OSBPL11: variants seen among roughly 807,000 people sequenced by gnomAD.
OSBPL11 encodes oxysterol-binding protein-related protein 11.
OSBPL11 carries 33 observed loss-of-function variants against 84.4 expected under a neutral mutation model. The observed-to-expected ratio is 0.39, with a 90% CI of 0.30 to 0.52. The LOEUF (loss-of-function observed/expected upper bound fraction) is 0.52. Ranked by LOEUF, OSBPL11 falls within the 20% of genes least tolerant of loss-of-function variation. The pLI is 0.72. For synonymous variants in OSBPL11, 276 were observed against 310.2 expected (o/e 0.89, Z 1.16); for missense variants, 736 against 901.1 (o/e 0.82, Z 2.35).
chr3:125,571,056 G>T (rs898713521), intron 5 of OSBPL11, among the ~76,000 whole-genome samples: 2 of 152,098 alleles, frequency 1.3e-5, no homozygotes, highest in Non-Finnish European at 1.5e-5. Context: ...CCCAAAATGC[G>T]GACAGCAATA....
intron 5 of OSBPL11, among the ~76,000 whole-genome samples, chr3:125,575,356 T>C (rs898879557): frequency 6.6e-6 from 1 of 152,076 alleles, no homozygotes; most frequent in East Asian, 1.9e-4. Flanking sequence ...CATTTCTATA[T>C]ATACATATAT....
chr3:125,576,279 G>A lies in OSBPL11; in HGVS notation c.576C>T (p.Ala192=). ...PISQRRPSQN[A]ISFFNVGHSK... ...AATGTCCAACATTAAAAAAAGAAAT[G>A]GCATTTTGACTTGGTCTCCTCTGCG... Residue 192 remains alanine (A), a synonymous_variant, in exon 5 of 13, where the codon GCC becomes GCT. Coordinates refer to ENST00000296220, the MANE Select transcript of OSBPL11 (RefSeq NM_022776.5). 6.2e-7 allele frequency: 1 copy of A among 1,610,294 alleles called. No individual in the cohort carries two copies. The highest frequency in any genetic ancestry group is 8.5e-7 in the Non-Finnish European group (1 of 1,178,826).
Position 125,594,931 on chromosome 3 carries a change from G to A in OSBPL11, c.-131C>T, listed in dbSNP as rs1936658253. ...GCTAAATCACACGGCGGCTGGGGCGGGACTGTCAAATGGTCCAGAAAAGGA... is the reference window on the plus strand; with the variant it reads ...GCTAAATCACACGGCGGCTGGGGCGAGACTGTCAAATGGTCCAGAAAAGGA... On this transcript the variant is annotated 5_prime_UTR_variant, in exon 1 of 13. Coordinates refer to ENST00000296220, the MANE Select transcript of OSBPL11 (RefSeq NM_022776.5). The A allele has an allele frequency of 1.0e-6, 1 of 1,003,432 alleles. No homozygotes were observed. Among genetic ancestry groups the A allele is most frequent in the Admixed American group, 2.8e-5 (1 of 35,470 alleles). 62.2% of individuals were successfully genotyped at this position (1,003,432 alleles called of 1,614,324 possible). A position where few individuals can be genotyped will look rare whatever the true frequency, so the allele number is the denominator to read the frequency against.
intron 10 of OSBPL11, among the ~76,000 whole-genome samples, chr3:125,540,792 C>T (rs58388246): frequency 6.6e-6 from 1 of 152,064 alleles, no homozygotes; most frequent in Non-Finnish European, 1.5e-5. Flanking sequence ...TTACAGGGTC[C>T]GTATTGTTTA....
chr3:125,543,672 G>C (rs563058228), intron 10 of OSBPL11, among the ~76,000 whole-genome samples: 1 of 152,058 alleles, frequency 6.6e-6, no homozygotes, highest in Non-Finnish European at 1.5e-5. Flanking sequence ...AGGCCAAGGT[G>C]GGCAGATCAC....
intron 5 of OSBPL11, among the ~76,000 whole-genome samples, chr3:125,574,512 A>G (rs1414570807): frequency 7.0e-6 from 1 of 142,486 alleles, no homozygotes; most frequent in Non-Finnish European, 1.5e-5. Context: ...GTGGACTACT[A>G]TTCAGATGTG....
At chr3:125,575,992 T>C (rs1177165691) in intron 5 of OSBPL11, among the ~76,000 whole-genome samples, 197 bp downstream of exon 5, 5 of 150,228 alleles carry the variant, frequency 3.3e-5, no homozygotes, top group Non-Finnish European at 3.0e-5. Flanking sequence ...ACCATGTACC[T>C]AGTACGTGAC....
intron 11 of OSBPL11, among the ~76,000 whole-genome samples, chr3:125,535,665 G>A (rs1935631292): frequency 6.6e-6 from 1 of 150,646 alleles, no homozygotes; most frequent in Non-Finnish European, 1.5e-5. Context: ...AGTAGAGATG[G>A]GGTTTCACCA....
chr3:125,530,538 GA>G lies in OSBPL11; in HGVS notation c.2220del (p.Pro741GlnfsTer44). On this transcript the variant is annotated frameshift_variant, in exon 13 of 13. Coordinates refer to ENST00000296220, the MANE Select transcript of OSBPL11 (RefSeq NM_022776.5). LOFTEE classifies it high-confidence loss of function. ...WVYHKPLWKI[I>X]PTTQPAE is the part of the protein sequence containing the mutation. ...TGTCACTCTGCTGGTTGTGTTGTTG[GA>G]ATTATTTTCCAAAGTGGTTTATGAT... is the stretch of plus-strand genomic sequence containing the variant. 1 of 1,613,868 alleles carries G rather than the reference GA, an allele frequency of 6.2e-7. No homozygotes were observed. The highest frequency in any genetic ancestry group is 8.5e-7 in the Non-Finnish European group (1 of 1,179,862).
chr3:125,566,305 C>A (rs1288790582), intron 6 of OSBPL11, among the ~76,000 whole-genome samples: 1 of 151,958 alleles, frequency 6.6e-6, no homozygotes, highest in African/African-American at 2.4e-5. Context: ...CGTGCCTGGC[C>A]CCTACACATT....
intron 6 of OSBPL11, among the ~76,000 whole-genome samples, chr3:125,566,797 T>A (rs868456279): frequency 1.6e-4 from 24 of 147,876 alleles, no homozygotes; most frequent in Middle Eastern, 3.5e-3. Context: ...TATATATATT[T>A]TTTTTTTAAT....
intron 1 of OSBPL11, 79 bp from the exon 2 acceptor site, chr3:125,583,057 G>A: frequency 1.0e-6 from 1 of 972,216 alleles, no homozygotes; most frequent in East Asian, 2.6e-5. Context: ...TTTCAAAATA[G>A]CTGCAGATAC....
intron 7 of OSBPL11, among the ~76,000 whole-genome samples, chr3:125,561,731 G>A (rs191073188): frequency 2.0e-5 from 3 of 152,326 alleles, no homozygotes; most frequent in African/African-American, 7.2e-5. Flanking sequence ...CTATGGAGCA[G>A]TGCTCCTGGA....
At chr3:125,550,243 C>T (rs1363916555) in intron 9 of OSBPL11, among the ~76,000 whole-genome samples, 2 of 151,828 alleles carry the variant, frequency 1.3e-5, no homozygotes, top group Non-Finnish European at 2.9e-5. Flanking sequence ...GGCATGGTGG[C>T]GCACGCCTGT....
chr3:125,558,748 C>T (rs1489484855), intron 8 of OSBPL11, among the ~76,000 whole-genome samples: 1 of 152,178 alleles, frequency 6.6e-6, no homozygotes, highest in Non-Finnish European at 1.5e-5. Flanking sequence ...AATTAAGGCA[C>T]ACTAGTTAAA....
intron 10 of OSBPL11, among the ~76,000 whole-genome samples, chr3:125,542,084 G>A (rs1183781379): frequency 6.6e-6 from 1 of 152,146 alleles, no homozygotes; most frequent in East Asian, 1.9e-4. Flanking sequence ...AGGACAAAGG[G>A]AAATTGAGAA....
chr3:125,553,765 G>A (rs1935949885), intron 8 of OSBPL11, among the ~76,000 whole-genome samples: 1 of 152,280 alleles, frequency 6.6e-6, no homozygotes, highest in Non-Finnish European at 1.5e-5. Flanking sequence ...TTAAAAAGAC[G>A]GTTTTGAAGA....
At chr3:125,538,224 A>C (rs1340724729) in intron 11 of OSBPL11, among the ~76,000 whole-genome samples, 2 of 152,162 alleles carry the variant, frequency 1.3e-5, no homozygotes, top group Non-Finnish European at 2.9e-5. Flanking sequence ...AATGTTTTTA[A>C]TATTTTTGCT....
intron 9 of OSBPL11, among the ~76,000 whole-genome samples, chr3:125,548,875 A>G (rs1559837929): frequency 6.8e-6 from 1 of 147,046 alleles, no homozygotes; most frequent in East Asian, 2.0e-4. Context: ...AACATCAACT[A>G]TTTTTTTTTT....
Sources: allele counts gnomAD v4.1 joint callset (sites outside exome capture counted in the v4.1 genomes callset), GRCh38; gene constraint gnomAD v4.1.1; transcripts MANE v1.5; gene names NCBI Gene and HGNC (gene_info 2026-07-23, HGNC 2026-07-21).